ZBTB10: variants seen among roughly 807,000 people sequenced by gnomAD.
ZBTB10 encodes zinc finger and BTB domain containing 10.
Under a neutral mutation model 76.4 loss-of-function variants are expected in ZBTB10, and 32 were observed. That is an observed-to-expected ratio of 0.42 (90% CI 0.32 to 0.56). ZBTB10 has a LOEUF of 0.56. Ranked by LOEUF, ZBTB10 falls within the 20% of genes least tolerant of loss-of-function variation. ZBTB10 has a pLI of 0.14. For synonymous variants in ZBTB10, 523 were observed against 432.9 expected, an observed-to-expected ratio of 1.21 and a Z score of -2.58; for missense variants, 1,057 against 1,098.5, an observed-to-expected ratio of 0.96 and a Z score of 0.53.
chr8:80,518,695 G>A (rs903148411), intron 4 of ZBTB10, 87 bp from the exon 5 acceptor site: 6 of 1,486,802 alleles, frequency 4.0e-6, no homozygotes, highest in East Asian at 2.4e-5. Flanking sequence ...CATAATTGCT[G>A]TTCTCAGAGA....
At chr8:80,516,892 C>T (rs893818081) in intron 3 of ZBTB10, among the ~76,000 whole-genome samples, 3 of 152,048 alleles carry the variant, frequency 2.0e-5, no homozygotes, top group East Asian at 3.8e-4. Context: ...CTTTTAAAAC[C>T]GTGATGCCCA....
At chr8:80,504,065 C>T (rs1457716210) in intron 2 of ZBTB10, among the ~76,000 whole-genome samples, 1 of 152,154 alleles carries the variant, frequency 6.6e-6, no homozygotes, top group Non-Finnish European at 1.5e-5. Context: ...AGGCAGGTTG[C>T]ATATTTAGGA....
chr8:80,503,536 GAGAC>G (rs1412701727), intron 2 of ZBTB10, among the ~76,000 whole-genome samples: 1 of 149,846 alleles, frequency 6.7e-6, no homozygotes, highest in Non-Finnish European at 1.5e-5. Flanking sequence ...TGTTTTTTGA[GAGAC>G]AGAGTCTCCC....
At chr8:80,508,293 A>G (rs1194743934) in intron 2 of ZBTB10, among the ~76,000 whole-genome samples, 1 of 152,242 alleles carries the variant, frequency 6.6e-6, no homozygotes, top group African/African-American at 2.4e-5. Context: ...GGTTTCTGAT[A>G]CAGACTTAAT....
intron 2 of ZBTB10, among the ~76,000 whole-genome samples, chr8:80,504,183 C>T (rs116716490): frequency 0.032 from 4,922 of 152,256 alleles, 140 homozygotes; most frequent in African/African-American, 0.08. Flanking sequence ...TCCCCTTCAT[C>T]ATTAGTTATG....
At chr8:80,513,191 G>C (rs1189199462) in intron 2 of ZBTB10, among the ~76,000 whole-genome samples, 3 of 152,044 alleles carry the variant, frequency 2.0e-5, no homozygotes, top group African/African-American at 7.3e-5. Context: ...CCCCAGGCTG[G>C]AGTGCAGTGG....
chr8:80,491,956 G>C (rs769549945), intron 1 of ZBTB10, among the ~76,000 whole-genome samples: 1 of 152,170 alleles, frequency 6.6e-6, no homozygotes, highest in Admixed American at 6.5e-5. Flanking sequence ...TTTCCAGTTG[G>C]AATATATTGA....
At position 80,517,930 on chromosome 8, in the gene ZBTB10, G is replaced by A. The variant is rs895434359; in HGVS notation, c.1961-473G>A. 5.8e-5 allele frequency among the ~76,000 whole-genome samples: 8 copies of A among 138,936 alleles called. No individual in the cohort carries two copies. In the Admixed American group the frequency reaches 6.0e-4, roughly 10 times the overall value. 91.1% of individuals were successfully genotyped at this position (138,936 alleles called of 152,430 possible). On this transcript the variant is annotated intron_variant, in intron 3 of 5. Transcript: ENST00000455036. Reference sequence around the variant, plus strand: ...ATCCCACTGTGTCGCCCTGGCTGGAGTGCAGTGGCGCAATCTTGAATCACT... The same window carrying A: ...ATCCCACTGTGTCGCCCTGGCTGGAATGCAGTGGCGCAATCTTGAATCACT...
chr8:80,517,844 T>C (rs1323287121), intron 3 of ZBTB10, among the ~76,000 whole-genome samples: 2 of 147,460 alleles, frequency 1.4e-5, no homozygotes, highest in African/African-American at 2.6e-5. Context: ...TTAAATGATA[T>C]TCATGTTTTT....
chr8:80,522,998 AT>A lies in ZBTB10; in HGVS notation c.*3472del, dbSNP rs2131525586. ...TCTGAACATAGCATGAAGGGTTTAG[AT>A]TCATTTTTCTGAAAAACGATTAAAA... On this transcript the variant is annotated 3_prime_UTR_variant, in exon 6 of 6. Coordinates refer to ENST00000455036, the MANE Select transcript of ZBTB10 (RefSeq NM_001105539.3). 1 of 151,916 alleles carries A rather than the reference AT, an allele frequency of 6.6e-6. No homozygotes were observed. Among genetic ancestry groups the A allele is most frequent in the East Asian group, 1.9e-4 (1 of 5,174 alleles). The allele number at this position is 151,916 out of a possible 1,614,324, so 9.4% of individuals were successfully genotyped here. A position where few individuals can be genotyped will look rare whatever the true frequency, so the allele number is the denominator to read the frequency against.
At position 80,493,667 on chromosome 8, in the gene ZBTB10, C is replaced by CAA. The variant is rs113190537; in HGVS notation, c.973-5816_973-5815dup. The stretch of plus-strand genomic sequence containing the variant: ...CCCCGTCTCTAATTTAAAAACAAAA[C>CAA]AAAAAAAAAAAACCGAGCCGGGCGT... On this transcript the variant is annotated intron_variant, in intron 1 of 5. Coordinates refer to ENST00000455036, the MANE Select transcript of ZBTB10 (RefSeq NM_001105539.3). Among the ~76,000 whole-genome samples, 476 of 130,420 alleles carry CAA rather than the reference C, an allele frequency of 3.6e-3. 3 individuals are homozygous for CAA. Among genetic ancestry groups the CAA allele is most frequent in the African/African-American group, 0.012 (409 of 34,840 alleles). 85.6% of individuals were successfully genotyped at this position (130,420 alleles called of 152,430 possible).
At chr8:80,510,572 T>C (rs1816161911) in intron 2 of ZBTB10, among the ~76,000 whole-genome samples, 1 of 152,070 alleles carries the variant, frequency 6.6e-6, no homozygotes, top group Admixed American at 6.6e-5. Flanking sequence ...GCTCTGGTCA[T>C]TTGAATATTA....
Position 80,520,610 on chromosome 8 carries a change from C to G in ZBTB10, c.*1082C>G, listed in dbSNP as rs1816428318. 1.3e-5 allele frequency: 2 copies of G among 152,264 alleles called. No individual in the cohort carries two copies. The highest frequency in any genetic ancestry group is 6.6e-5 in the Admixed American group (1 of 15,230). The allele number at this position is 152,264 out of a possible 1,614,324, so 9.4% of individuals were successfully genotyped here. A position where few individuals can be genotyped will look rare whatever the true frequency, so the allele number is the denominator to read the frequency against. The stretch of plus-strand genomic sequence containing the variant: ...TGAAAATTAACACAAAATGTGCATT[C>G]TCTTTTGTTTCATACTTAGCGGGAT... On this transcript the variant is annotated 3_prime_UTR_variant, in exon 6 of 6. Coordinates refer to ENST00000455036, the MANE Select transcript of ZBTB10 (RefSeq NM_001105539.3).
At chr8:80,492,789 G>A (rs1815665475) in intron 1 of ZBTB10, among the ~76,000 whole-genome samples, 1 of 152,042 alleles carries the variant, frequency 6.6e-6, no homozygotes, top group Admixed American at 6.5e-5. Flanking sequence ...AGATTCTTAA[G>A]GGAGTGATCA....
Position 80,497,683 on chromosome 8 carries a change from C to CTTT in ZBTB10, c.973-1790_973-1788dup, listed in dbSNP as rs397891910. 8.0e-4 allele frequency among the ~76,000 whole-genome samples: 70 copies of CTTT among 87,628 alleles called. 1 individual carries two copies. The highest frequency in any genetic ancestry group is 1.0e-3 in the Non-Finnish European group (48 of 47,498). The allele number at this position is 87,628 out of a possible 152,430, so 57.5% of individuals were successfully genotyped here. On this transcript the variant is annotated intron_variant, in intron 1 of 5. Transcript: ENST00000455036. ...AAACAGTTGAAGTGTGTCCTGGAATCTTTTTTTTTTTTTTTTTTTTTTTGA... is the reference window on the plus strand; with the variant it reads ...AAACAGTTGAAGTGTGTCCTGGAATCTTTTTTTTTTTTTTTTTTTTTTTTTTGA...
At chr8:80,488,633 A>C (rs1815545090) in intron 1 of ZBTB10, among the ~76,000 whole-genome samples, 1 of 152,256 alleles carries the variant, frequency 6.6e-6, no homozygotes, top group Non-Finnish European at 1.5e-5. Flanking sequence ...TTACAAAACA[A>C]GTAAGCTGTA....
At chr8:80,495,363 A>C (rs1815755704) in intron 1 of ZBTB10, among the ~76,000 whole-genome samples, 2 of 151,426 alleles carry the variant, frequency 1.3e-5, no homozygotes, top group South Asian at 2.1e-4. Context: ...ACTTTTGAGG[A>C]TGCTATAGAC....
intron 1 of ZBTB10, among the ~76,000 whole-genome samples, chr8:80,491,852 G>C (rs1359065208): frequency 6.6e-6 from 1 of 152,162 alleles, no homozygotes; most frequent in African/African-American, 2.4e-5. Context: ...AACTCTTCCT[G>C]GGAGAAACAT....
In ZBTB10 at chr8:80,519,524, A is replaced by G. The variant is rs755174376; in HGVS notation, c.2612A>G (p.Asp871Gly). ...GGAGAAGTTTGTATGTCTCTAGATG[A>G]TTAACTGACCTACTATACTCCTCAA... ...ESGEVCMSLD[D>G] Residue 871 changes from aspartate to glycine, a missense_variant, in exon 6 of 6, where the codon GAT becomes GGT. Physicochemically the swap from Asp to Gly is moderately conservative, Grantham distance 94. Around this residue, in one of 5 missense-constraint regions of ZBTB10, gnomAD observed 55 missense variants for 65.5 expected, o/e 0.84. Transcript: ENST00000455036. The G allele has an allele frequency of 6.2e-7, 1 of 1,607,010 alleles. No homozygotes were observed. Among genetic ancestry groups the G allele is most frequent in the Admixed American group, 1.7e-5 (1 of 59,202 alleles).
Sources: gnomAD v4.1 joint callset for allele counts (sites outside exome capture counted in the v4.1 genomes callset) on GRCh38, gnomAD v4.1.1 for gene constraint, gnomAD v4.1.1 regional missense constraint, MANE v1.5 for transcripts, NCBI Gene and HGNC (gene_info 2026-07-23, HGNC 2026-07-21) for gene names.